SEC61A2: variants seen among roughly 807,000 people sequenced by gnomAD.
SEC61A2 encodes protein transport protein Sec61 subunit alpha isoform 2.
A neutral mutation model predicts 59.9 loss-of-function variants in SEC61A2; 28 were observed. The ratio of observed to expected loss-of-function variants is 0.47; its 90% confidence interval spans 0.35 to 0.64. SEC61A2 has a LOEUF of 0.64. SEC61A2 is among the 30% of genes least tolerant of loss of function. SEC61A2 has a pLI of 0.01. For synonymous variants in SEC61A2, 202 were observed against 214.4 expected, an observed-to-expected ratio of 0.94 and a Z score of 0.50; for missense variants, 340 against 585.9, an observed-to-expected ratio of 0.58 and a Z score of 4.33.
At position 12,155,345 on chromosome 10, in the gene SEC61A2, C is replaced by A; in HGVS notation, c.463-433C>A. 6.3e-7 allele frequency: 1 copy of A among 1,583,542 alleles called. No homozygotes were observed. Among genetic ancestry groups the A allele is most frequent in the Non-Finnish European group, 8.6e-7 (1 of 1,167,054 alleles). On this transcript the variant is annotated intron_variant, in intron 6 of 11. Transcript: ENST00000298428. The surrounding 1 kb of genome is among the most constrained non-coding windows in gnomAD (Gnocchi z 4.3). ...AGCCCTTAGACTTATCCTTTGATGG[C>A]AGTGTACATTTCCATCTTGCTATTA...
rs145094936 is a variant in SEC61A2 at position 12,162,714 on chromosome 10, T to C, written c.1244+425T>C. 6.0e-3 allele frequency among the ~76,000 whole-genome samples: 910 copies of C among 152,326 alleles called. 15 individuals carry two copies. The highest frequency in any genetic ancestry group is 0.021 in the African/African-American group (855 of 41,574). On this transcript the variant is annotated intron_variant, in intron 11 of 11. Transcript: ENST00000298428. This position sits in a 1 kb window ranked among gnomAD's most constrained non-coding sequence, Gnocchi z 6.1. Reference sequence around the variant, plus strand: ...CTTGAAGTATATTGTTCAGTGTTTTTTAGTATATTCAGACTTGTACAGTCA... The same window carrying C: ...CTTGAAGTATATTGTTCAGTGTTTTCTAGTATATTCAGACTTGTACAGTCA...
rs1834369054 is a variant in SEC61A2 at position 12,155,232 on chromosome 10, A to T, written c.463-546A>T. 1.0e-6 allele frequency: 1 copy of T among 996,014 alleles called. No homozygotes were observed. The highest frequency in any genetic ancestry group is 1.7e-5 in the African/African-American group (1 of 59,598). 61.7% of individuals were successfully genotyped at this position (996,014 alleles called of 1,614,324 possible). A position where few individuals can be genotyped will look rare whatever the true frequency, so the allele number is the denominator to read the frequency against. ...TGCTCGAGTACGTATTTGAGTACAT[A>T]TTTGTGTTCTAGTTTTTTATTCTGT... On this transcript the variant is annotated intron_variant, in intron 6 of 11. Transcript: ENST00000298428. The surrounding 1 kb of genome is among the most constrained non-coding windows in gnomAD (Gnocchi z 4.3).
intron 1 of SEC61A2, among the ~76,000 whole-genome samples, chr10:12,133,031 C>T (rs553292668): frequency 2.0e-5 from 3 of 152,320 alleles, no homozygotes; most frequent in African/African-American, 7.2e-5. Context: ...ACTGACCAGC[C>T]ATCAAACCAT....
intron 3 of SEC61A2, among the ~76,000 whole-genome samples, chr10:12,139,921 A>AT (rs931952880): frequency 3.3e-5 from 5 of 151,002 alleles, no homozygotes; most frequent in African/African-American, 1.2e-4. Context: ...GTGAGCCGAG[A>AT]TCCCGCCACT....
Position 12,156,846 on chromosome 10 carries a change from T to C in SEC61A2, c.617-61T>C. On this transcript the variant is annotated intron_variant, in intron 7 of 11. Coordinates refer to ENST00000298428, the MANE Select transcript of SEC61A2 (RefSeq NM_018144.4). The surrounding 1 kb of genome is among the most constrained non-coding windows in gnomAD (Gnocchi z 5.2). ...ATACTGGACTTTCACGGTTAGTTGT[T>C]TGAGCTTTGGGACAGCTTTGGACGA... The C allele has an allele frequency of 6.4e-7, 1 of 1,562,538 alleles. No individual in the cohort carries two copies. Among genetic ancestry groups the C allele is most frequent in the Non-Finnish European group, 8.7e-7 (1 of 1,152,230 alleles).
Position 12,154,579 on chromosome 10 carries a change from C to T in SEC61A2, c.463-1199C>T, listed in dbSNP as rs1201325021. Among the ~76,000 whole-genome samples, 3 of 152,110 alleles carry T rather than the reference C, an allele frequency of 2.0e-5. No individual in the cohort carries two copies. Among genetic ancestry groups the T allele is most frequent in the East Asian group, 1.9e-4 (1 of 5,186 alleles). On this transcript the variant is annotated intron_variant, in intron 6 of 11. Coordinates refer to ENST00000298428, the MANE Select transcript of SEC61A2 (RefSeq NM_018144.4). This position sits in a 1 kb window ranked among gnomAD's most constrained non-coding sequence, Gnocchi z 5.2. ...CCTCTACATTATTTTGTCAAAATGT[C>T]GAACTTGGTTTTCAAGCAGTAAAGG...
At chr10:12,131,414 G>A (rs1833734960) in intron 1 of SEC61A2, among the ~76,000 whole-genome samples, 1 of 152,148 alleles carries the variant, frequency 6.6e-6, no homozygotes, top group Non-Finnish European at 1.5e-5. Context: ...AAGGACAGAA[G>A]CTTGAGAGAT....
rs752712366 is a variant in SEC61A2 at position 12,136,085 on chromosome 10, C to CT, written c.76-17dup. 6.4e-7 allele frequency: 1 copy of CT among 1,570,934 alleles called. No individual in the cohort carries two copies. The highest frequency in any genetic ancestry group is 2.2e-5 in the East Asian group (1 of 44,628). ...TGTTTCTTGGTTTTGATTGATGATTCTTTACATTTTGTTGTACAGATCCAG... is the reference window on the plus strand; with the variant it reads ...TGTTTCTTGGTTTTGATTGATGATTCTTTTACATTTTGTTGTACAGATCCAG... On this transcript the variant is annotated intron_variant, in intron 2 of 11. Coordinates refer to ENST00000298428, the MANE Select transcript of SEC61A2 (RefSeq NM_018144.4).
rs1347615355 is a variant in SEC61A2 at position 12,156,361 on chromosome 10, C to G, written c.616+430C>G. 6.6e-6 allele frequency among the ~76,000 whole-genome samples: 1 copy of G among 152,166 alleles called. No individual in the cohort carries two copies. The highest frequency in any genetic ancestry group is 1.5e-5 in the Non-Finnish European group (1 of 68,044). On this transcript the variant is annotated intron_variant, in intron 7 of 11. Coordinates refer to ENST00000298428, the MANE Select transcript of SEC61A2 (RefSeq NM_018144.4). This position sits in a 1 kb window ranked among gnomAD's most constrained non-coding sequence, Gnocchi z 5.2. ...CTTCTAATTGGCTTTGTAATAGCAC[C>G]AAAGTTTTGAAATATTTCATTCTCT...
intron 3 of SEC61A2, among the ~76,000 whole-genome samples, chr10:12,140,130 C>T (rs1038229696): frequency 6.6e-5 from 10 of 152,104 alleles, no homozygotes; most frequent in African/African-American, 2.4e-4. Flanking sequence ...GCGTTTGCCT[C>T]ATTTGATTAT....
At chr10:12,167,786 T>A (rs183326588), downstream of SEC61A2, 6 of 1,614,178 alleles carry the variant, frequency 3.7e-6, no homozygotes, top group Middle Eastern at 3.3e-4. Context: ...TGGCGTCCAC[T>A]GTGAGATGTT....
At chr10:12,163,441 CAG>C (rs1834578756) in intron 11 of SEC61A2, among the ~76,000 whole-genome samples, 1 of 151,552 alleles carries the variant, frequency 6.6e-6, no homozygotes, top group Non-Finnish European at 1.5e-5. Context: ...TCTCCTGTCT[CAG>C]CCTCCCTAGT....
chr10:12,166,838 C>A, downstream of SEC61A2: 1 of 449,904 alleles, frequency 2.2e-6, no homozygotes. Flanking sequence ...GGGTTTCAGG[C>A]ATGGGAACCA....
chr10:12,158,000 C>CA lies in SEC61A2; in HGVS notation c.871dup (p.Ile291AsnfsTer23). 1 of 1,614,196 alleles carries CA rather than the reference C, an allele frequency of 6.2e-7. No individual in the cohort carries two copies. The highest frequency in any genetic ancestry group is 1.1e-5 in the South Asian group (1 of 91,088). On this transcript the variant is annotated frameshift_variant, in exon 9 of 12. Transcript: ENST00000298428. LOFTEE classifies it high-confidence loss of function. ...AACTCTTCTACACCTCCAACATCCC[C>CA]ATCATCCTCCAGTCGGCCCTGGTGT...
At position 12,143,231 on chromosome 10, in the gene SEC61A2, A is replaced by G; in HGVS notation, c.220+36A>G. ...CTTTTCTGTCTCCACACTCCTACTCACAGCAAACAGATGGAAACATGTGGA... is the reference window on the plus strand; with the variant it reads ...CTTTTCTGTCTCCACACTCCTACTCGCAGCAAACAGATGGAAACATGTGGA... On this transcript the variant is annotated intron_variant, in intron 4 of 11. Coordinates refer to ENST00000298428, the MANE Select transcript of SEC61A2 (RefSeq NM_018144.4). This position sits in a 1 kb window ranked among gnomAD's most constrained non-coding sequence, Gnocchi z 4.8. 1 of 1,382,158 alleles carries G rather than the reference A, an allele frequency of 7.2e-7. No individual in the cohort carries two copies. Among genetic ancestry groups the G allele is most frequent in the Non-Finnish European group, 1.0e-6 (1 of 968,720 alleles). The allele number at this position is 1,382,158 out of a possible 1,614,324, so 85.6% of individuals were successfully genotyped here.
At position 12,129,814 on chromosome 10, in the gene SEC61A2, G is replaced by A. The variant is rs1388532355; in HGVS notation, c.7+20G>A. 5.7e-6 allele frequency: 8 copies of A among 1,409,044 alleles called. No individual in the cohort carries two copies. The highest frequency in any genetic ancestry group is 7.4e-6 in the Non-Finnish European group (8 of 1,080,026). The allele number at this position is 1,409,044 out of a possible 1,614,324, so 87.3% of individuals were successfully genotyped here. On this transcript the variant is annotated intron_variant, in intron 1 of 11. Transcript: ENST00000298428. The surrounding 1 kb of genome is among the most constrained non-coding windows in gnomAD (Gnocchi z 5.6). The stretch of plus-strand genomic sequence containing the variant: ...TGGGCAGTGAGTAGCGGCGGCTGGA[G>A]CGGGGACTCTGGCTGGGAACGCAGG...
intron 2 of SEC61A2, among the ~76,000 whole-genome samples, chr10:12,134,705 CAA>C (rs1299723087): frequency 6.6e-6 from 1 of 151,954 alleles, no homozygotes; most frequent in Non-Finnish European, 1.5e-5. Flanking sequence ...GGCAGGTGCT[CAA>C]GAGATGGGGA....
At chr10:12,139,217 C>T (rs1741911213) in intron 3 of SEC61A2, among the ~76,000 whole-genome samples, 1 of 151,732 alleles carries the variant, frequency 6.6e-6, no homozygotes, top group Admixed American at 6.6e-5. Context: ...CTGCCTCAGC[C>T]TCCCAAAGTG....
rs187280067 is a variant in SEC61A2, at chr10:12,158,863, C to G, written c.975+758C>G. Among the ~76,000 whole-genome samples, 1 of 152,310 alleles carries G rather than the reference C, an allele frequency of 6.6e-6. No individual in the cohort carries two copies. The highest frequency in any genetic ancestry group is 6.5e-5 in the Admixed American group (1 of 15,296). On this transcript the variant is annotated intron_variant, in intron 9 of 11. Transcript: ENST00000298428. This position sits in a 1 kb window ranked among gnomAD's most constrained non-coding sequence, Gnocchi z 5.7. ...CATGGTCTGAATGGCAATAAGCCAG[C>G]TTGTGATGAGCTGGGCTAGAGATAG...
Sources: gnomAD v4.1 joint callset for allele counts (sites outside exome capture counted in the v4.1 genomes callset) on GRCh38, gnomAD v4.1.1 for gene constraint, Gnocchi (gnomAD v3.1) non-coding constraint, MANE v1.5 for transcripts, NCBI Gene and HGNC (gene_info 2026-07-23, HGNC 2026-07-21) for gene names.